The following UBR4 variants were observed in gnomAD, a reference collection of about 807,000 sequenced individuals.
The protein encoded by UBR4 is ubiquitin protein ligase E3 component n-recognin 4.
UBR4 carries 124 observed loss-of-function variants against 575.6 expected under a neutral mutation model. That is an observed-to-expected ratio of 0.22 (90% CI 0.19 to 0.25). The LOEUF (loss-of-function observed/expected upper bound fraction) is 0.25. Ranked by LOEUF, UBR4 falls within the 10% of genes least tolerant of loss-of-function variation. The pLI, the probability that UBR4 is intolerant of heterozygous loss-of-function variation, is 1.00. For missense variants in UBR4, 4,818 were observed against 6,478.8 expected (o/e 0.74, Z 8.80); for synonymous variants, 2,455 against 2,473.7 (o/e 0.99, Z 0.22).
chr1:19,198,575 G>A lies in UBR4; in HGVS notation c.614C>T (p.Thr205Ile), dbSNP rs1047385904. The A allele has an allele frequency of 8.7e-6, 14 of 1,614,058 alleles. No homozygotes were observed. The African/African-American group carries it at 1.9e-4, about 22-fold the overall frequency. Residue 205 changes from threonine (T) to isoleucine (I), a missense_variant, in exon 5 of 106, where the codon ACT (threonine) becomes ATT (isoleucine). This residue lies in a region of UBR4 where 83 missense variants were observed against 77.3 expected (regional missense o/e 1.07). Transcript: ENST00000375254. ...NQLTSVFNPR[T>I]VASQPISTQT... ...TGTACTGATAGGTTGTGATGCTACA[G>A]TTCTAGGGTTAAAAACTGAGGTCAG...
chr1:19,091,334 G>A (rs2077494897), intron 97 of UBR4, among the ~76,000 whole-genome samples: 1 of 152,196 alleles, frequency 6.6e-6, no homozygotes, highest in Non-Finnish European at 1.5e-5. Context: ...GGATTTCAGT[G>A]AGACACAGTG....
At position 19,136,934 on chromosome 1, in the gene UBR4, G is replaced by A. The variant is rs567628790; in HGVS notation, c.8906+1073C>T. ...GGGAACGTGGAAGGCACTCTTTGAT[G>A]CCCCCTTTAAATGTCTCTGATGCCT... On this transcript the variant is annotated intron_variant, in intron 60 of 105. Transcript: ENST00000375254. 2.6e-5 allele frequency among the ~76,000 whole-genome samples: 4 copies of A among 152,178 alleles called. No individual in the cohort carries two copies. In the East Asian group the frequency reaches 7.7e-4, roughly 29 times the overall value.
intron 17 of UBR4, among the ~76,000 whole-genome samples, chr1:19,180,790 G>A (rs2090867361): frequency 6.6e-6 from 1 of 151,936 alleles, no homozygotes; most frequent in South Asian, 2.1e-4. Context: ...ATAGGAACCT[G>A]GTCTTTCCCT....
Position 19,173,080 on chromosome 1 carries a change from C to T in UBR4, c.3305G>A (p.Cys1102Tyr), listed in dbSNP as rs749889052. ...CAAGATGGTGGTACAGTCGATACTACAGAAGGATGAGATCTTTAAAAATAT... is the reference window on the plus strand; with the variant it reads ...CAAGATGGTGGTACAGTCGATACTATAGAAGGATGAGATCTTTAAAAATAT... ...EYFARQISSF[C>Y]SIDCTTILQL... is the part of the protein sequence containing the mutation. The change falls in exon 25 of 106, where the codon TGT (cysteine) becomes TAT (tyrosine). Residue 1102 changes from cysteine (C) to tyrosine (Y), a missense_variant. Coordinates refer to ENST00000375254, the MANE Select transcript of UBR4 (RefSeq NM_020765.3). 1.2e-6 allele frequency: 2 copies of T among 1,614,094 alleles called. No homozygotes were observed. The highest frequency in any genetic ancestry group is 1.7e-6 in the Non-Finnish European group (2 of 1,179,954).
chr1:19,170,202 A>T (rs1372219613), intron 26 of UBR4, among the ~76,000 whole-genome samples: 1 of 152,234 alleles, frequency 6.6e-6, no homozygotes, highest in Non-Finnish European at 1.5e-5. Flanking sequence ...AAAGAACACC[A>T]GCCTGGGCAA....
intron 91 of UBR4, 130 bp from the exon 92 acceptor site, chr1:19,096,780 G>A (rs564296695): frequency 7.4e-7 from 1 of 1,358,634 alleles, no homozygotes; most frequent in Non-Finnish European, 1.0e-6. Flanking sequence ...ATAAAGACAC[G>A]GCCAATAAAA....
chr1:19,126,307 A>G, intron 64 of UBR4, 139 bp downstream of exon 64: 1 of 955,838 alleles, frequency 1.0e-6, no homozygotes. Flanking sequence ...AATCACGCCG[A>G]GATTAACCCC....
chr1:19,183,998 C>T lies in UBR4; in HGVS notation c.2098+18G>A. 6.2e-7 allele frequency: 1 copy of T among 1,614,110 alleles called. No homozygotes were observed. Among genetic ancestry groups the T allele is most frequent in the Non-Finnish European group, 8.5e-7 (1 of 1,179,970 alleles). ...CATGAGAAAAAAAATCCATCAGGCA[C>T]ATATCTTGTCTACTGACCCTTGAGT... On this transcript the variant is annotated intron_variant, in intron 16 of 105. Transcript: ENST00000375254.
intron 73 of UBR4, 55 bp from the exon 74 acceptor site, chr1:19,115,692 T>C (rs2080435233): frequency 1.7e-5 from 27 of 1,596,254 alleles, no homozygotes; most frequent in Admixed American, 5.1e-5. Flanking sequence ...GTGATAACAG[T>C]CTGATGAGAC....
At chr1:19,207,727 G>A (rs2093079931) in intron 1 of UBR4, among the ~76,000 whole-genome samples, 1 of 152,042 alleles carries the variant, frequency 6.6e-6, no homozygotes, top group Non-Finnish European at 1.5e-5. Flanking sequence ...ACTATGGCCT[G>A]CAGGCCAAAT....
chr1:19,137,678 T>C (rs1327293502), intron 60 of UBR4, among the ~76,000 whole-genome samples: 4 of 152,200 alleles, frequency 2.6e-5, no homozygotes. Context: ...GGATGCCATA[T>C]ATTGAGTGTA....
At position 19,081,200 on chromosome 1, in the gene UBR4, G is replaced by A. The variant is rs185282439; in HGVS notation, c.15233+149C>T. On this transcript the variant is annotated intron_variant, in intron 103 of 105. Transcript: ENST00000375254. Reference sequence around the variant, plus strand: ...CTGCCAGCCATCAGCTTAGACTCTTGACATGACAGACTGAGAAGGGAGAAG... The same window carrying A: ...CTGCCAGCCATCAGCTTAGACTCTTAACATGACAGACTGAGAAGGGAGAAG... 2.3e-4 allele frequency: 162 copies of A among 713,658 alleles called. 1 individual carries two copies. The highest frequency in any genetic ancestry group is 2.0e-3 in the Middle Eastern group (5 of 2,448). The allele number at this position is 713,658 out of a possible 1,614,324, so 44.2% of individuals were successfully genotyped here. A position where few individuals can be genotyped will look rare whatever the true frequency, so the allele number is the denominator to read the frequency against.
chr1:19,124,768 T>C, intron 64 of UBR4, 78 bp from the exon 65 acceptor site: 1 of 1,551,726 alleles, frequency 6.4e-7, no homozygotes, highest in African/African-American at 1.4e-5. Flanking sequence ...CCTGGCTCAT[T>C]AGACGTATTA....
At chr1:19,085,262 G>A (rs1233806749) in intron 101 of UBR4, among the ~76,000 whole-genome samples, 1 of 152,266 alleles carries the variant, frequency 6.6e-6, no homozygotes, top group Middle Eastern at 3.4e-3. Flanking sequence ...TGGCTCACAC[G>A]TGTAATCCCA....
chr1:19,090,542 T>C (rs960336396), intron 97 of UBR4, among the ~76,000 whole-genome samples: 4 of 152,144 alleles, frequency 2.6e-5, no homozygotes, highest in Admixed American at 2.6e-4. Flanking sequence ...TGCCCTCTAC[T>C]TAACAATCCT....
intron 11 of UBR4, among the ~76,000 whole-genome samples, chr1:19,189,264 T>C (rs1177572570): frequency 2.6e-5 from 4 of 152,138 alleles, no homozygotes; most frequent in African/African-American, 4.8e-5. Flanking sequence ...TTCTAACGAG[T>C]AGTTTGACAA....
chr1:19,119,749 G>C, intron 69 of UBR4, 48 bp from the exon 70 acceptor site: 3 of 1,579,738 alleles, frequency 1.9e-6, no homozygotes, highest in Non-Finnish European at 2.6e-6. Context: ...AAAACCCTGA[G>C]GCACCTGTGT....
chr1:19,128,043 C>T (rs531374376), intron 62 of UBR4, among the ~76,000 whole-genome samples, 168 bp downstream of exon 62: 2 of 152,270 alleles, frequency 1.3e-5, no homozygotes, highest in African/African-American at 2.4e-5. Context: ...AAACTATGCT[C>T]GGGCCAAAGC....
At chr1:19,173,372 T>C in intron 23 of UBR4, 66 bp from the exon 24 acceptor site, 1 of 1,611,186 alleles carries the variant, frequency 6.2e-7, no homozygotes, top group Non-Finnish European at 8.5e-7. Flanking sequence ...TATCTTCAAA[T>C]TTAAAAGCTC....
Sources: allele counts gnomAD v4.1 joint callset (sites outside exome capture counted in the v4.1 genomes callset), GRCh38; gene constraint gnomAD v4.1.1; regional missense constraint gnomAD v4.1.1; transcripts MANE v1.5; gene names NCBI Gene and HGNC (gene_info 2026-07-23, HGNC 2026-07-21).